UNC13B: variants seen among roughly 807,000 people sequenced by gnomAD.
UNC13B encodes the protein protein unc-13 homolog B.
UNC13B carries 144 observed loss-of-function variants against 211.0 expected under a neutral mutation model. The ratio of observed to expected loss-of-function variants is 0.68; its 90% CI spans 0.60 to 0.78. UNC13B has a LOEUF of 0.78. UNC13B is among the 30% of genes least tolerant of loss of function. The pLI, the probability that UNC13B is intolerant of heterozygous loss-of-function variation, is 0.00. For synonymous variants in UNC13B, 709 were observed against 725.8 expected (o/e 0.98, Z 0.37); for missense variants, 1,777 against 2,002.0 (o/e 0.89, Z 2.14).
intron 3 of UNC13B, among the ~76,000 whole-genome samples, chr9:35,232,177 C>CTTTTTTTTTGTTTTTTTTTTTT (rs1825245615): frequency 3.2e-5 from 1 of 31,536 alleles, no homozygotes; most frequent in Non-Finnish European, 5.9e-5. Flanking sequence ...TATATTGCTG[C>CTTTTTTTTTGTTTTTTTTTTTT]TTTTTTTTTT....
chr9:35,277,256 A>G (rs984573578), intron 7 of UNC13B, among the ~76,000 whole-genome samples: 12 of 152,192 alleles, frequency 7.9e-5, no homozygotes, highest in African/African-American at 2.9e-4. Flanking sequence ...GGAAGATGGC[A>G]TCCTTTTTCT....
chr9:35,211,075 A>G (rs891177791), intron 1 of UNC13B, among the ~76,000 whole-genome samples: 6 of 152,212 alleles, frequency 3.9e-5, no homozygotes, highest in African/African-American at 1.4e-4. Flanking sequence ...TGTGGCAAAT[A>G]TAAAAGTCAT....
intron 11 of UNC13B, among the ~76,000 whole-genome samples, chr9:35,365,160 C>A (rs1353973060): frequency 6.6e-6 from 1 of 152,214 alleles, no homozygotes; most frequent in East Asian, 1.9e-4. Flanking sequence ...TACTAATGCC[C>A]TGTGCTTGCA....
chr9:35,269,841 A>T (rs1046473994), intron 7 of UNC13B, among the ~76,000 whole-genome samples: 4 of 152,106 alleles, frequency 2.6e-5, no homozygotes, highest in African/African-American at 9.7e-5. Context: ...TGTAAAGAAG[A>T]GCTTTCCTTC....
intron 36 of UNC13B, 152 bp from the exon 37 acceptor site, chr9:35,400,144 A>G (rs1836196304): frequency 2.6e-6 from 3 of 1,134,542 alleles, no homozygotes; most frequent in African/African-American, 1.6e-5. Context: ...AAATACCCAA[A>G]TAATACTCAT....
At chr9:35,390,064 A>G in intron 25 of UNC13B, 91 bp downstream of exon 25, 5 of 1,568,986 alleles carry the variant, frequency 3.2e-6, no homozygotes, top group African/African-American at 1.3e-5. Context: ...GTATGTTTGC[A>G]GTGCCACCTC....
chr9:35,285,114 A>G (rs901307769), intron 7 of UNC13B, among the ~76,000 whole-genome samples: 2 of 152,196 alleles, frequency 1.3e-5, no homozygotes, highest in East Asian at 1.9e-4. Context: ...CTTCTAGGAA[A>G]GAGGATGTAC....
At chr9:35,313,770 T>A in intron 10 of UNC13B, 129 bp from the exon 11 acceptor site, 2 of 684,410 alleles carry the variant, frequency 2.9e-6, no homozygotes, top group South Asian at 3.5e-5. Context: ...TTTAGTAGCC[T>A]GAATCACTAA....
chr9:35,386,552 C>T (rs1221213472), intron 24 of UNC13B, among the ~76,000 whole-genome samples: 1 of 152,186 alleles, frequency 6.6e-6, no homozygotes, highest in Admixed American at 6.5e-5. Flanking sequence ...AATTCATGCA[C>T]AGTTCAGGGG....
intron 1 of UNC13B, among the ~76,000 whole-genome samples, chr9:35,183,961 G>T (rs571184043): frequency 2.8e-5 from 4 of 144,528 alleles, no homozygotes; most frequent in African/African-American, 1.0e-4. Context: ...CCACCCAGAC[G>T]GGGCGGCGGG....
Position 35,313,895 on chromosome 9 carries a change from C to T in UNC13B, c.9324-4C>T. 2.5e-6 allele frequency: 4 copies of T among 1,611,790 alleles called. No individual in the cohort carries two copies. Among genetic ancestry groups the T allele is most frequent in the Non-Finnish European group, 3.4e-6 (4 of 1,178,046 alleles). On this transcript the variant is annotated splice_polypyrimidine_tract_variant and splice_region_variant and intron_variant, in intron 10 of 39. Coordinates refer to ENST00000635942, the MANE Select transcript of UNC13B (RefSeq NM_001371189.2). ...TAAGAAATGTACTTTTTCTCTGTTA[C>T]AAGTTTTCCTGAGGAGAATGCATCT...
intron 6 of UNC13B, among the ~76,000 whole-genome samples, chr9:35,250,186 A>G (rs1271265694): frequency 6.6e-6 from 1 of 152,202 alleles, no homozygotes; most frequent in Non-Finnish European, 1.5e-5. Context: ...TAATTTATAT[A>G]TACCATACAG....
intron 1 of UNC13B, among the ~76,000 whole-genome samples, chr9:35,199,691 G>A (rs1823165546): frequency 6.6e-6 from 1 of 152,236 alleles, no homozygotes; most frequent in East Asian, 1.9e-4. Flanking sequence ...GGGGTTGTTT[G>A]ATTTTTTCTT....
At chr9:35,389,773 G>C in intron 24 of UNC13B, 73 bp from the exon 25 acceptor site, 3 of 1,539,736 alleles carry the variant, frequency 1.9e-6, no homozygotes, top group Non-Finnish European at 2.7e-6. Flanking sequence ...AGAGAAAGAG[G>C]ATCGTTGGAG....
intron 7 of UNC13B, among the ~76,000 whole-genome samples, chr9:35,287,973 A>G (rs532593524): frequency 6.6e-6 from 1 of 152,144 alleles, no homozygotes; most frequent in African/African-American, 2.4e-5. Context: ...GAATGATGTC[A>G]CATTCATCCA....
At chr9:35,228,771 T>G (rs1283266588) in intron 2 of UNC13B, among the ~76,000 whole-genome samples, 9 of 151,454 alleles carry the variant, frequency 5.9e-5, no homozygotes, top group African/African-American at 2.2e-4. Context: ...TGGTTCGTTC[T>G]TTTAAGGTGC....
At chr9:35,199,113 A>G (rs1305414702) in intron 1 of UNC13B, among the ~76,000 whole-genome samples, 2 of 151,964 alleles carry the variant, frequency 1.3e-5, no homozygotes, top group Non-Finnish European at 2.9e-5. Context: ...TGTCCTCGGG[A>G]TAGTTTGCTC....
intron 1 of UNC13B, among the ~76,000 whole-genome samples, chr9:35,199,280 G>C (rs1038094952): frequency 2.6e-5 from 4 of 152,234 alleles, no homozygotes; most frequent in Admixed American, 2.6e-4. Context: ...CTTTGCTATT[G>C]TGAATAGTGC....
intron 1 of UNC13B, among the ~76,000 whole-genome samples, chr9:35,197,968 A>G (rs1823039321): frequency 6.6e-6 from 1 of 152,188 alleles, no homozygotes; most frequent in Admixed American, 6.5e-5. Context: ...CAATATGCGA[A>G]CCATTAGGAG....
Sources: allele counts gnomAD v4.1 joint callset (sites outside exome capture counted in the v4.1 genomes callset), GRCh38; gene constraint gnomAD v4.1.1; transcripts MANE v1.5; gene names NCBI Gene and HGNC (gene_info 2026-07-23, HGNC 2026-07-21).